Variants in XPO7 observed in about 807,000 individuals in gnomAD.
The protein encoded by XPO7 is exportin 7.
Under a neutral mutation model 144.3 loss-of-function variants are expected in XPO7, and 21 were observed. The ratio of observed to expected loss-of-function variants is 0.15; its 90% CI spans 0.10 to 0.21. XPO7 has a LOEUF of 0.21. XPO7 is among the 10% of genes least tolerant of loss of function. The pLI is 1.00. For synonymous variants in XPO7, 580 were observed against 499.6 expected (o/e 1.16, Z -2.15); for missense variants, 808 against 1,325.8 (o/e 0.61, Z 6.06).
chr8:21,969,707 G>C (rs1009930862), intron 3 of XPO7, 131 bp downstream of exon 3: 2 of 954,512 alleles, frequency 2.1e-6, no homozygotes, highest in African/African-American at 1.7e-5. Context: ...CTAGAATCCA[G>C]TTCGTTTCCA....
At chr8:21,980,340 G>A (rs983509520) in intron 9 of XPO7, 137 bp downstream of exon 9, 11 of 1,127,546 alleles carry the variant, frequency 9.8e-6, no homozygotes, top group Non-Finnish European at 1.2e-5. Flanking sequence ...ATCTCTATTT[G>A]TAGGCCAATT....
At chr8:21,991,677 C>T in intron 18 of XPO7, 191 bp from the exon 19 acceptor site, 2 of 451,446 alleles carry the variant, frequency 4.4e-6, no homozygotes, top group East Asian at 7.3e-5. Flanking sequence ...TTTCTGTTGT[C>T]ATCTTCTAGT....
intron 6 of XPO7, 31 bp downstream of exon 6, chr8:21,974,805 G>GT: frequency 6.6e-7 from 1 of 1,506,270 alleles, no homozygotes. Flanking sequence ...ATATTTCCCA[G>GT]TTTCTTTTGA....
At chr8:21,987,497 T>C (rs890577629) in intron 14 of XPO7, among the ~76,000 whole-genome samples, 1 of 152,216 alleles carries the variant, frequency 6.6e-6, no homozygotes, top group African/African-American at 2.4e-5. Flanking sequence ...TCCAAACATC[T>C]GTTGTTCTCC....
At chr8:21,949,310 A>T (rs1412141927) in intron 1 of XPO7, among the ~76,000 whole-genome samples, 1 of 152,224 alleles carries the variant, frequency 6.6e-6, no homozygotes, top group Non-Finnish European at 1.5e-5. Context: ...TCTGTCAGCC[A>T]TCAAAATACT....
At chr8:21,969,867 C>G (rs972794339) in intron 3 of XPO7, 1 of 537,586 alleles carries the variant, frequency 1.9e-6, no homozygotes, top group Non-Finnish European at 3.2e-6. Flanking sequence ...ATTTTGAATT[C>G]TGTGTAGACC....
At chr8:21,977,741 G>C (rs1187323334) in intron 7 of XPO7, 29 bp from the exon 8 acceptor site, 1 of 1,609,726 alleles carries the variant, frequency 6.2e-7, no homozygotes, top group Non-Finnish European at 8.5e-7. Context: ...ACTTAATAAA[G>C]TGATGTCTTT....
At chr8:21,977,626 T>C in intron 7 of XPO7, 144 bp from the exon 8 acceptor site, 1 of 713,912 alleles carries the variant, frequency 1.4e-6, no homozygotes. Context: ...AAAGCCCCTA[T>C]TTGCTTATCA....
chr8:21,963,024 T>C (rs1190622605), intron 1 of XPO7, among the ~76,000 whole-genome samples: 2 of 152,168 alleles, frequency 1.3e-5, no homozygotes, highest in African/African-American at 4.8e-5. Flanking sequence ...AAGGGGGACA[T>C]AAATTAAAAG....
intron 27 of XPO7, 118 bp downstream of exon 27, chr8:22,004,148 C>A: frequency 7.4e-7 from 1 of 1,343,636 alleles, no homozygotes; most frequent in Non-Finnish European, 1.0e-6. Context: ...TAAAGCAATG[C>A]AATGCAATAG....
chr8:21,968,380 G>A (rs77157226), intron 2 of XPO7, among the ~76,000 whole-genome samples: 3,586 of 152,236 alleles, frequency 0.024, 153 homozygotes, highest in African/African-American at 0.082. Flanking sequence ...GAAATTATCC[G>A]TTAGTAGCTG....
intron 1 of XPO7, among the ~76,000 whole-genome samples, chr8:21,920,933 C>A (rs1207921500): frequency 6.6e-6 from 1 of 152,126 alleles, no homozygotes; most frequent in Non-Finnish European, 1.5e-5. Flanking sequence ...GTGACTTCTG[C>A]CCCTTTCTTT....
chr8:21,931,695 A>G (rs976701311), intron 1 of XPO7, among the ~76,000 whole-genome samples: 4 of 152,290 alleles, frequency 2.6e-5, no homozygotes, highest in Non-Finnish European at 5.9e-5. Context: ...CTGGCTGCCA[A>G]TACCCCTTAA....
chr8:21,946,586 C>A (rs9644078), intron 1 of XPO7, among the ~76,000 whole-genome samples: 471 of 120,916 alleles, frequency 3.9e-3, no homozygotes, highest in Middle Eastern at 0.01. Flanking sequence ...AAAAAAAAAA[C>A]AAAAAAAAAA....
intron 20 of XPO7, 113 bp downstream of exon 20, chr8:21,994,564 T>C (rs372080182): frequency 4.0e-6 from 4 of 994,300 alleles, no homozygotes; most frequent in African/African-American, 3.2e-5. Flanking sequence ...GCAGAGAAGA[T>C]GAAGAGTTAG....
At chr8:21,939,490 G>C (rs1810923978) in intron 1 of XPO7, among the ~76,000 whole-genome samples, 1 of 152,076 alleles carries the variant, frequency 6.6e-6, no homozygotes, top group Admixed American at 6.6e-5. Flanking sequence ...CAAAGTGCTG[G>C]GATTACAGGT....
At chr8:21,930,379 T>C (rs1321977471) in intron 1 of XPO7, among the ~76,000 whole-genome samples, 1 of 152,144 alleles carries the variant, frequency 6.6e-6, no homozygotes, top group African/African-American at 2.4e-5. Context: ...CCTGAATAGC[T>C]AGAAATGTAT....
chr8:21,971,144 G>A (rs1319126100), intron 4 of XPO7, among the ~76,000 whole-genome samples: 1 of 152,206 alleles, frequency 6.6e-6, no homozygotes, highest in Non-Finnish European at 1.5e-5. Flanking sequence ...TGGTGTACAA[G>A]TTTGTGCCTA....
intron 1 of XPO7, among the ~76,000 whole-genome samples, chr8:21,928,046 G>A (rs1040914314): frequency 3.9e-5 from 6 of 152,190 alleles, no homozygotes; most frequent in African/African-American, 1.4e-4. Flanking sequence ...ACATACACCT[G>A]TGACTCCGGG....
Sources: allele counts gnomAD v4.1 joint callset (sites outside exome capture counted in the v4.1 genomes callset), GRCh38; gene constraint gnomAD v4.1.1; transcripts MANE v1.5; gene names NCBI Gene and HGNC (gene_info 2026-07-23, HGNC 2026-07-21).